The following CPQ variants were observed in gnomAD, a reference collection of about 807,000 sequenced individuals.
CPQ encodes carboxypeptidase Q.
In CPQ, 37 loss-of-function variants were observed where a neutral mutation model predicts 45.7. That is an observed-to-expected ratio of 0.81 (90% CI 0.62 to 1.07). The LOEUF (loss-of-function observed/expected upper bound fraction) is 1.07. Ranked by LOEUF, CPQ falls within the 50% of genes least tolerant of loss-of-function variation. The pLI, the probability that CPQ is intolerant of heterozygous loss-of-function variation, is 0.00. For missense variants in CPQ, 537 were observed against 572.9 expected (o/e 0.94, Z 0.64); for synonymous variants, 186 against 205.8 (o/e 0.90, Z 0.82).
intron 1 of CPQ, among the ~76,000 whole-genome samples, chr8:96,766,380 T>A (rs1810467534): frequency 6.6e-6 from 1 of 152,196 alleles, no homozygotes; most frequent in African/African-American, 2.4e-5. Context: ...CATTAGGGCC[T>A]TTTTCTTCTG....
chr8:96,701,096 G>A lies in CPQ; in HGVS notation c.-35+55694G>A, dbSNP rs377432732. ...TTAAGTTTATTTTACATCAAATACA[G>A]ACTGTACAATAACCTGGTTATATAC... On this transcript the variant is annotated intron_variant, in intron 1 of 7. Coordinates refer to ENST00000220763, the MANE Select transcript of CPQ (RefSeq NM_016134.4). 2.0e-5 allele frequency among the ~76,000 whole-genome samples: 3 copies of A among 152,134 alleles called. No individual in the cohort carries two copies. The South Asian group carries it at 6.2e-4, about 31-fold the overall frequency.
chr8:96,855,064 A>C (rs978118473), intron 3 of CPQ, among the ~76,000 whole-genome samples: 12 of 152,122 alleles, frequency 7.9e-5, no homozygotes, highest in South Asian at 6.2e-4. Context: ...GGGCAGGAGG[A>C]ATTCTCTCTT....
chr8:96,762,514 A>G (rs1475126394), intron 1 of CPQ, among the ~76,000 whole-genome samples: 1 of 152,202 alleles, frequency 6.6e-6, no homozygotes, highest in Admixed American at 6.5e-5. Context: ...ATAAATTTCA[A>G]TGGCTCCCAC....
intron 5 of CPQ, among the ~76,000 whole-genome samples, chr8:97,020,225 C>T (rs201262883): frequency 4.6e-5 from 7 of 151,952 alleles, no homozygotes; most frequent in East Asian, 3.9e-4. Context: ...ATACAACAAA[C>T]GCGGTGCTAA....
At chr8:97,133,116 A>G (rs934707719) in intron 7 of CPQ, 1 of 152,172 alleles carries the variant, frequency 6.6e-6, no homozygotes, top group Non-Finnish European at 1.5e-5. Flanking sequence ...GAGTATAGGT[A>G]GGTATTGAAG....
intron 1 of CPQ, chr8:96,680,430 G>A (rs1474670986): frequency 6.6e-6 from 1 of 151,948 alleles, no homozygotes; most frequent in Admixed American, 6.6e-5. Context: ...GGATCTTATG[G>A]TTTTAAAAAC....
chr8:97,048,745 A>G (rs1019854346), intron 6 of CPQ, among the ~76,000 whole-genome samples: 5 of 152,248 alleles, frequency 3.3e-5, no homozygotes, highest in Non-Finnish European at 7.3e-5. Flanking sequence ...TGGAACGGAA[A>G]ATGAGAATGA....
chr8:96,669,887 T>C (rs1808978579), intron 1 of CPQ, among the ~76,000 whole-genome samples: 2 of 152,218 alleles, frequency 1.3e-5, no homozygotes, highest in Non-Finnish European at 2.9e-5. Flanking sequence ...CTGCTGTTCC[T>C]AGGGGAAATA....
chr8:96,992,507 G>A (rs1483242343), intron 5 of CPQ, among the ~76,000 whole-genome samples: 1 of 152,116 alleles, frequency 6.6e-6, no homozygotes, highest in African/African-American at 2.4e-5. Flanking sequence ...TTAACATGAG[G>A]AAAACTTAGT....
chr8:96,676,834 C>T (rs1269845998), intron 1 of CPQ, among the ~76,000 whole-genome samples: 2 of 151,956 alleles, frequency 1.3e-5, no homozygotes, highest in African/African-American at 2.4e-5. Flanking sequence ...CCTTTCCAAC[C>T]TTCCCTACTG....
chr8:96,962,641 A>T (rs1397643084), intron 4 of CPQ, among the ~76,000 whole-genome samples: 1 of 152,054 alleles, frequency 6.6e-6, no homozygotes, highest in African/African-American at 2.4e-5. Context: ...CATAAGGGAG[A>T]TTTTCAGTAG....
At chr8:97,003,224 G>A (rs1453189113) in intron 5 of CPQ, among the ~76,000 whole-genome samples, 1 of 151,992 alleles carries the variant, frequency 6.6e-6, no homozygotes, top group East Asian at 1.9e-4. Flanking sequence ...TTGTCACTCT[G>A]TGTCTTCTAT....
intron 4 of CPQ, among the ~76,000 whole-genome samples, chr8:96,956,593 T>C (rs1246846633): frequency 6.6e-6 from 1 of 152,170 alleles, no homozygotes; most frequent in Admixed American, 6.5e-5. Flanking sequence ...ATACATATAT[T>C]CTTTTCCTTG....
At chr8:96,772,878 T>G (rs753559100) in intron 1 of CPQ, among the ~76,000 whole-genome samples, 1 of 152,162 alleles carries the variant, frequency 6.6e-6, no homozygotes, top group Non-Finnish European at 1.5e-5. Flanking sequence ...ATAAGGCAAT[T>G]TAGTTAAGTG....
intron 1 of CPQ, among the ~76,000 whole-genome samples, chr8:96,660,295 CCT>C (rs60404780): frequency 0.022 from 3,317 of 152,242 alleles, 129 homozygotes; most frequent in African/African-American, 0.075. Context: ...CATGCACACC[CCT>C]GATATCGCTC....
chr8:97,091,780 A>G (rs1268299108), intron 7 of CPQ, among the ~76,000 whole-genome samples: 1 of 152,136 alleles, frequency 6.6e-6, no homozygotes, highest in African/African-American at 2.4e-5. Context: ...CAGTAGGGAA[A>G]TTATAAGGAA....
chr8:96,798,645 C>T (rs974980415), intron 2 of CPQ, among the ~76,000 whole-genome samples: 7 of 151,976 alleles, frequency 4.6e-5, no homozygotes, highest in Non-Finnish European at 8.8e-5. Flanking sequence ...AACCCTAACC[C>T]TGACCTTAAC....
intron 2 of CPQ, among the ~76,000 whole-genome samples, chr8:96,817,203 T>C (rs893804393): frequency 1.3e-5 from 2 of 152,136 alleles, no homozygotes; most frequent in Non-Finnish European, 2.9e-5. Flanking sequence ...GTTTTCTGGA[T>C]AACTAGCTAT....
intron 7 of CPQ, among the ~76,000 whole-genome samples, chr8:97,073,518 G>A (rs530798442): frequency 5.9e-5 from 9 of 152,288 alleles, no homozygotes; most frequent in East Asian, 5.8e-4. Flanking sequence ...AGCAGACTTC[G>A]CCCTACTGGG....
Sources: allele counts gnomAD v4.1 joint callset (sites outside exome capture counted in the v4.1 genomes callset), GRCh38; gene constraint gnomAD v4.1.1; transcripts MANE v1.5; gene names NCBI Gene and HGNC (gene_info 2026-07-23, HGNC 2026-07-21).